The following UBTD1 variants were observed in gnomAD, a reference collection of about 807,000 sequenced individuals.
UBTD1 encodes ubiquitin domain-containing protein 1.
Under a neutral mutation model 21.7 loss-of-function variants are expected in UBTD1, and 19 were observed. The observed-to-expected ratio is 0.87, with a 90% confidence interval of 0.61 to 1.28. The LOEUF is 1.28. UBTD1 is among the 50% of genes most tolerant of loss of function. The pLI is 0.00. For synonymous variants in UBTD1, 116 were observed against 135.1 expected (o/e 0.86, Z 0.98); for missense variants, 282 against 315.1 (o/e 0.89, Z 0.80).
chr10:97,555,247 G>T (rs1176399919), intron 1 of UBTD1, among the ~76,000 whole-genome samples: 2 of 152,312 alleles, frequency 1.3e-5, no homozygotes, highest in African/African-American at 2.4e-5. Flanking sequence ...AAAGAGAAAA[G>T]GAGTCCAGAA....
At chr10:97,549,515 A>G (rs947134816) in intron 1 of UBTD1, among the ~76,000 whole-genome samples, 1 of 152,254 alleles carries the variant, frequency 6.6e-6, no homozygotes, top group Admixed American at 6.5e-5. Context: ...CCTCAGGCAG[A>G]CAAACAAGAT....
At chr10:97,548,747 G>A (rs1343968318) in intron 1 of UBTD1, among the ~76,000 whole-genome samples, 1 of 152,174 alleles carries the variant, frequency 6.6e-6, no homozygotes, top group Non-Finnish European at 1.5e-5. Context: ...ACTGTACTCT[G>A]GTCTGGGCAA....
At chr10:97,511,608 G>A (rs1402560703) in intron 1 of UBTD1, among the ~76,000 whole-genome samples, 1 of 152,076 alleles carries the variant, frequency 6.6e-6, no homozygotes, top group Non-Finnish European at 1.5e-5. Flanking sequence ...CGCAGTGTCT[G>A]GGACACAGAC....
At chr10:97,524,233 C>T (rs1359503666) in intron 1 of UBTD1, among the ~76,000 whole-genome samples, 1 of 152,064 alleles carries the variant, frequency 6.6e-6, no homozygotes, top group African/African-American at 2.4e-5. Context: ...TAGCTGGGAC[C>T]ATAGGCATGC....
At chr10:97,520,841 G>T (rs934253500) in intron 1 of UBTD1, among the ~76,000 whole-genome samples, 3 of 152,204 alleles carry the variant, frequency 2.0e-5, no homozygotes, top group Non-Finnish European at 4.4e-5. Context: ...CTTTCCAGGA[G>T]AAAGGAGAGA....
chr10:97,531,672 C>G lies in UBTD1; in HGVS notation c.70+32399C>G, dbSNP rs1018199256. Among the ~76,000 whole-genome samples, 3 of 152,212 alleles carry G rather than the reference C, an allele frequency of 2.0e-5. No individual in the cohort carries two copies. The East Asian group carries it at 5.8e-4, about 29-fold the overall frequency. ...TGAGCTTCAGCCTTTGGTTAGTCCC[C>G]CAGGGGCGATTCTAGGTATCGGGTC... is the stretch of plus-strand genomic sequence containing the variant. On this transcript the variant is annotated intron_variant, in intron 1 of 2. Coordinates refer to ENST00000370664, the MANE Select transcript of UBTD1 (RefSeq NM_024954.5).
chr10:97,526,608 C>G (rs1379450811), intron 1 of UBTD1, among the ~76,000 whole-genome samples: 2 of 152,136 alleles, frequency 1.3e-5, no homozygotes, highest in Non-Finnish European at 2.9e-5. Context: ...AGTGAACAAT[C>G]AAAAATGCCT....
intron 1 of UBTD1, among the ~76,000 whole-genome samples, chr10:97,501,186 A>G (rs1240618702): frequency 6.6e-6 from 1 of 152,168 alleles, no homozygotes; most frequent in Non-Finnish European, 1.5e-5. Flanking sequence ...GTACCCCCCA[A>G]AGGCAACTTC....
At chr10:97,547,682 A>G (rs944389951) in intron 1 of UBTD1, among the ~76,000 whole-genome samples, 1 of 152,044 alleles carries the variant, frequency 6.6e-6, no homozygotes, top group Non-Finnish European at 1.5e-5. Flanking sequence ...CTCTTGCCTC[A>G]GCCTCCTGAG....
rs1353894778 is a variant in UBTD1 at position 97,540,532 on chromosome 10, G to A, written c.71-27382G>A. On this transcript the variant is annotated intron_variant, in intron 1 of 2. Coordinates refer to ENST00000370664, the MANE Select transcript of UBTD1 (RefSeq NM_024954.5). The stretch of plus-strand genomic sequence containing the variant: ...TATGATAAGCACTTAATAAATGTTA[G>A]CAGTTCTTGTTCATGTCATTCTTAT... 2.0e-5 allele frequency among the ~76,000 whole-genome samples: 3 copies of A among 152,226 alleles called. No individual in the cohort carries two copies. The East Asian group carries it at 5.8e-4, about 29-fold the overall frequency.
chr10:97,530,434 T>C (rs2040523691), intron 1 of UBTD1, among the ~76,000 whole-genome samples: 1 of 152,212 alleles, frequency 6.6e-6, no homozygotes, highest in Non-Finnish European at 1.5e-5. Flanking sequence ...TGAGACCCCA[T>C]CTCAAAAAAA....
intron 1 of UBTD1, among the ~76,000 whole-genome samples, chr10:97,553,118 G>C (rs2040648111): frequency 6.6e-6 from 1 of 152,158 alleles, no homozygotes; most frequent in Non-Finnish European, 1.5e-5. Context: ...ACTCCATACA[G>C]TATCTTTTTG....
chr10:97,534,650 A>G (rs1257810338), intron 1 of UBTD1, among the ~76,000 whole-genome samples: 2 of 151,938 alleles, frequency 1.3e-5, no homozygotes, highest in Non-Finnish European at 2.9e-5. Flanking sequence ...ATGCACAAAT[A>G]TATATCCTAG....
In UBTD1 at chr10:97,524,445, C is replaced by G. The variant is rs901876813; in HGVS notation, c.70+25172C>G. ...TGACTGGCACACCTCCTTCTTCTAG[C>G]CCCCTCTTCCTGATACTCCCAAATC... On this transcript the variant is annotated intron_variant, in intron 1 of 2. Transcript: ENST00000370664. Among the ~76,000 whole-genome samples, 11 of 152,248 alleles carry G rather than the reference C, an allele frequency of 7.2e-5. 1 individual carries two copies. The highest frequency in any genetic ancestry group is 2.6e-4 in the African/African-American group (11 of 41,540).
chr10:97,570,395 C>G lies in UBTD1; in HGVS notation c.556C>G (p.Pro186Ala), dbSNP rs1255659174. 2 of 1,613,450 alleles carry G rather than the reference C, an allele frequency of 1.2e-6. No homozygotes were observed. The highest frequency in any genetic ancestry group is 2.2e-5 in the East Asian group (1 of 44,884). ...RQLHAQEGIE[P>A]SWQRWFFSGK... ...GCTGCACGCCCAGGAGGGCATCGAG[C>G]CATCGTGGCAGCGGTGGTTCTTCTC... is the stretch of plus-strand genomic sequence containing the variant. The change falls in exon 3 of 3, where the codon CCA becomes GCA. Residue 186 changes from proline to alanine, a missense_variant. Transcript: ENST00000370664. The surrounding 1 kb of genome is among the most constrained non-coding windows in gnomAD (Gnocchi z 6.6).
At chr10:97,512,549 A>C (rs947727801) in intron 1 of UBTD1, among the ~76,000 whole-genome samples, 2 of 152,190 alleles carry the variant, frequency 1.3e-5, no homozygotes, top group Non-Finnish European at 2.9e-5. Flanking sequence ...TGCTGTATGC[A>C]CTGTTATTTA....
chr10:97,504,861 C>T (rs1384627108), intron 1 of UBTD1, among the ~76,000 whole-genome samples: 1 of 152,096 alleles, frequency 6.6e-6, no homozygotes, highest in Non-Finnish European at 1.5e-5. Context: ...TCTCTCTTGC[C>T]CCAGGCTTGC....
chr10:97,531,177 G>C (rs1029364920), intron 1 of UBTD1, among the ~76,000 whole-genome samples: 5 of 149,874 alleles, frequency 3.3e-5, no homozygotes, highest in African/African-American at 4.9e-5. Context: ...ATGAGCCACT[G>C]CGCCCAGCCT....
chr10:97,555,718 T>G (rs1483166325), intron 1 of UBTD1, among the ~76,000 whole-genome samples: 2 of 152,236 alleles, frequency 1.3e-5, no homozygotes, highest in African/African-American at 2.4e-5. Flanking sequence ...GCAGGGAGTT[T>G]CGCAGTGTTC....
Sources: allele counts gnomAD v4.1 joint callset (sites outside exome capture counted in the v4.1 genomes callset), GRCh38; gene constraint gnomAD v4.1.1; non-coding constraint Gnocchi (gnomAD v3.1); transcripts MANE v1.5; gene names NCBI Gene and HGNC (gene_info 2026-07-23, HGNC 2026-07-21).